EHMT2: variants seen among roughly 807,000 people sequenced by gnomAD.
EHMT2 encodes the protein histone-lysine N-methyltransferase EHMT2.
Under a neutral mutation model 143.3 loss-of-function variants are expected in EHMT2, and 59 were observed. The observed-to-expected ratio is 0.41, with a 90% CI of 0.33 to 0.51. The LOEUF is 0.51. Among genes scored for constraint, EHMT2 ranks in the 20% least tolerant of loss-of-function variants. The pLI is 0.18. For missense variants in EHMT2, 1,174 were observed against 1,645.9 expected (o/e 0.71, Z 4.96); for synonymous variants, 604 against 651.5 (o/e 0.93, Z 1.11).
chr6:31,897,040 G>A, intron 1 of EHMT2, 51 bp from the exon 2 acceptor site: 1 of 1,517,856 alleles, frequency 6.6e-7, no homozygotes, highest in Non-Finnish European at 8.8e-7. Context: ...GTAGAGAGTT[G>A]GGGGGTCCAG....
At chr6:31,893,409 C>A (rs72842433) in intron 4 of EHMT2, 2 of 443,522 alleles carry the variant, frequency 4.5e-6, no homozygotes, top group Non-Finnish European at 9.1e-6. Context: ...CAGCCTCGAA[C>A]TGGACTCAAG....
chr6:31,889,059 C>A lies in EHMT2; in HGVS notation c.1126G>T (p.Val376Leu). The change falls in exon 10 of 28, where the codon GTG becomes TTG. Residue 376 changes from valine to leucine, a missense_variant. Physicochemically the swap from Val to Leu is conservative, Grantham distance 32 (BLOSUM62 1). Transcript: ENST00000375537. This position sits in a 1 kb window ranked among gnomAD's most constrained non-coding sequence, Gnocchi z 5.1. ...TACTCACTGGGGCCTGAGGAGCCCACACCATTCACTCCTGACACAGAGACA... is the reference window on the plus strand; with the variant it reads ...TACTCACTGGGGCCTGAGGAGCCCAAACCATTCACTCCTGACACAGAGACA... The A allele has an allele frequency of 6.2e-7, 1 of 1,604,398 alleles. No homozygotes were observed. Among genetic ancestry groups the A allele is most frequent in the Non-Finnish European group, 8.5e-7 (1 of 1,176,492 alleles).
Position 31,887,553 on chromosome 6 carries a change from G to C in EHMT2, c.2011+24C>G, listed in dbSNP as rs1381991054. 5 of 1,609,546 alleles carry C rather than the reference G, an allele frequency of 3.1e-6. No homozygotes were observed. In the South Asian group the frequency reaches 5.5e-5, roughly 18 times the overall value. ...TATACATGAAGCTTGGTCAAGGTCT[G>C]CTGAAGGAATGGGTGGCACTCACAC... On this transcript the variant is annotated intron_variant, in intron 15 of 27. Transcript: ENST00000375537.
Position 31,889,020 on chromosome 6 carries a change from G to C in EHMT2, c.1165C>G (p.Leu389Val). Residue 389 changes from leucine (L) to valine (V), a missense_variant, in exon 10 of 28, where the codon CTG becomes GTG. By Grantham distance (32) the Leu-to-Val change is conservative. Coordinates refer to ENST00000375537, the Ensembl canonical transcript of EHMT2. This position sits in a 1 kb window ranked among gnomAD's most constrained non-coding sequence, Gnocchi z 5.1. ...TCGCTGGGCAGCTCCAGGGACCCCAGAGGGACCTCCATGTACTCACTGGGG... is the reference window on the plus strand; with the variant it reads ...TCGCTGGGCAGCTCCAGGGACCCCACAGGGACCTCCATGTACTCACTGGGG... The C allele has an allele frequency of 6.2e-7, 1 of 1,602,656 alleles. No homozygotes were observed. Among genetic ancestry groups the C allele is most frequent in the Non-Finnish European group, 8.5e-7 (1 of 1,176,610 alleles).
rs11543302 is a variant in EHMT2, at chr6:31,880,070, G to A, written c.*14C>T. On this transcript the variant is annotated 3_prime_UTR_variant, in exon 28 of 28. Transcript: ENST00000375537. The surrounding 1 kb of genome is among the most constrained non-coding windows in gnomAD (Gnocchi z 6.6). ...GTGGCCATCCATGCTGGGGAGAGAG[G>A]GTGTGGTCCGTTCTCATGTGTTGAC... 406 of 1,609,198 alleles carry A rather than the reference G, an allele frequency of 2.5e-4. 3 individuals are homozygous for A. Among genetic ancestry groups the A allele is most frequent in the Middle Eastern group, 2.0e-3 (11 of 5,406 alleles).
At position 31,880,273 on chromosome 6, in the gene EHMT2, G is replaced by T; in HGVS notation, c.3453-9C>A. 1 of 1,606,894 alleles carries T rather than the reference G, an allele frequency of 6.2e-7. No homozygotes were observed. The highest frequency in any genetic ancestry group is 8.5e-7 in the Non-Finnish European group (1 of 1,175,030). Reference sequence around the variant, plus strand: ...GGTCGCCATAGTCAAACCTGTCAGAGGAAAACAGGAGCTTGTGGGACCTGG... The same window carrying T: ...GGTCGCCATAGTCAAACCTGTCAGATGAAAACAGGAGCTTGTGGGACCTGG... On this transcript the variant is annotated splice_polypyrimidine_tract_variant and intron_variant, in intron 27 of 27. Coordinates refer to ENST00000375537, the Ensembl canonical transcript of EHMT2. The surrounding 1 kb of genome is among the most constrained non-coding windows in gnomAD (Gnocchi z 6.6).
intron 1 of EHMT2, 187 bp from the exon 2 acceptor site, chr6:31,897,176 C>A (rs1413550092): frequency 3.0e-6 from 4 of 1,317,190 alleles, no homozygotes; most frequent in Non-Finnish European, 3.9e-6. Context: ...CCCGCATCAA[C>A]CCCCTCCCTC....
At chr6:31,887,432 G>A in intron 15 of EHMT2, 145 bp downstream of exon 15, 1 of 719,030 alleles carries the variant, frequency 1.4e-6, no homozygotes, top group South Asian at 1.7e-5. Context: ...CATCGTTATG[G>A]GTTACATGTG....
At position 31,883,523 on chromosome 6, in the gene EHMT2, C is replaced by T; in HGVS notation, c.2917-84G>A. 4 of 1,385,700 alleles carry T rather than the reference C, an allele frequency of 2.9e-6. No individual in the cohort carries two copies. The highest frequency in any genetic ancestry group is 4.0e-6 in the Non-Finnish European group (4 of 994,208). The allele number at this position is 1,385,700 out of a possible 1,614,324, so 85.8% of individuals were successfully genotyped here. ...TTGATGCCCCCTGACCCCCTAACCA[C>T]TGTCCTTTCTTTGGGGTCCATGTGT... On this transcript the variant is annotated intron_variant, in intron 22 of 27. Transcript: ENST00000375537. This position sits in a 1 kb window ranked among gnomAD's most constrained non-coding sequence, Gnocchi z 5.6.
exon 17 of EHMT2, chr6:31,886,782 T>C: frequency 6.2e-7 from 1 of 1,614,212 alleles, no homozygotes; most frequent in East Asian, 2.2e-5. Flanking sequence ...CACCTTGCTA[T>C]AGACACAGCC....
exon 17 of EHMT2, chr6:31,886,840 C>T (rs1562489515): frequency 9.3e-6 from 15 of 1,614,244 alleles, no homozygotes; most frequent in South Asian, 3.3e-5. Context: ...TTGTTCACCA[C>T]GGCCTCCATC....
At chr6:31,891,035 C>G (rs1027659432) in intron 7 of EHMT2, among the ~76,000 whole-genome samples, 1 of 151,640 alleles carries the variant, frequency 6.6e-6, no homozygotes, top group African/African-American at 2.4e-5. Flanking sequence ...CTCCACCTCC[C>G]AGGTTCAAGC....
At position 31,889,172 on chromosome 6, in the gene EHMT2, C is replaced by T. The variant is rs950110845; in HGVS notation, c.1114+56G>A. ...GAGAGCGTGTGTGTGCGTGCACACA[C>T]TCTGGGGGGCCGGGCGGGGGCTGGA... On this transcript the variant is annotated intron_variant, in intron 9 of 27. Coordinates refer to ENST00000375537, the Ensembl canonical transcript of EHMT2. The surrounding 1 kb of genome is among the most constrained non-coding windows in gnomAD (Gnocchi z 5.1). 176 of 1,560,176 alleles carry T rather than the reference C, an allele frequency of 1.1e-4. 1 individual carries two copies. The highest frequency in any genetic ancestry group is 9.8e-5 in the Non-Finnish European group (113 of 1,150,096).
chr6:31,883,992 G>C lies in EHMT2; in HGVS notation c.2772-42C>G. The C allele has an allele frequency of 6.2e-7, 1 of 1,605,022 alleles. No individual in the cohort carries two copies. Among genetic ancestry groups the C allele is most frequent in the South Asian group, 1.1e-5 (1 of 90,588 alleles). ...GAAGGGGCTGGGAAGCTGGAAAAGG[G>C]GGTGAGGAGCTACTCCAGGTATAAG... On this transcript the variant is annotated intron_variant, in intron 21 of 27. Transcript: ENST00000375537. This position sits in a 1 kb window ranked among gnomAD's most constrained non-coding sequence, Gnocchi z 5.6.
At chr6:31,896,458 C>T in exon 4 of EHMT2, 2 of 1,612,942 alleles carry the variant, frequency 1.2e-6, no homozygotes, top group African/African-American at 1.3e-5. Context: ...ACATCTTGGC[C>T]CGGCTAGGAC....
intron 4 of EHMT2, among the ~76,000 whole-genome samples, chr6:31,894,240 G>A (rs992099555): frequency 6.6e-6 from 1 of 151,926 alleles, no homozygotes; most frequent in Non-Finnish European, 1.5e-5. Flanking sequence ...TCTGCCTCCT[G>A]GATTCAAGCG....
At chr6:31,892,785 C>G in intron 5 of EHMT2, 41 bp downstream of exon 5, 12 of 1,612,842 alleles carry the variant, frequency 7.4e-6, no homozygotes, top group Non-Finnish European at 1.0e-5. Context: ...ACCTTCAGAA[C>G]AGACCACATC....
exon 16 of EHMT2, chr6:31,887,097 G>A (rs755027464): frequency 6.2e-7 from 1 of 1,601,732 alleles, no homozygotes; most frequent in Non-Finnish European, 8.5e-7. Flanking sequence ...GGTCCAGGTT[G>A]TCCACTGCGG....
chr6:31,881,571 A>G lies in EHMT2; in HGVS notation c.3198-479T>C, dbSNP rs1764113491. On this transcript the variant is annotated intron_variant, in intron 25 of 27. Transcript: ENST00000375537. The surrounding 1 kb of genome is among the most constrained non-coding windows in gnomAD (Gnocchi z 4.8). ...AGCTATCTAAGGAGGGTGAGCAGACATGGGAGATTCAGACACACGGAGAGG... is the reference window on the plus strand; with the variant it reads ...AGCTATCTAAGGAGGGTGAGCAGACGTGGGAGATTCAGACACACGGAGAGG... The G allele has an allele frequency of 2.4e-5, 5 of 206,438 alleles. No homozygotes were observed. The highest frequency in any genetic ancestry group is 5.0e-5 in the Non-Finnish European group (5 of 99,232). The allele number at this position is 206,438 out of a possible 1,614,324, so 12.8% of individuals were successfully genotyped here. A position where few individuals can be genotyped will look rare whatever the true frequency, so the allele number is the denominator to read the frequency against.
Sources: allele counts gnomAD v4.1 joint callset (sites outside exome capture counted in the v4.1 genomes callset), GRCh38; gene constraint gnomAD v4.1.1; non-coding constraint Gnocchi (gnomAD v3.1); transcripts MANE v1.5; gene names NCBI Gene and HGNC (gene_info 2026-07-23, HGNC 2026-07-21).